ADAMTS12: variants seen among roughly 807,000 people sequenced by gnomAD.
ADAMTS12 encodes the protein A disintegrin and metalloproteinase with thrombospondin motifs 12.
In ADAMTS12, 118 loss-of-function variants were observed where a neutral mutation model predicts 167.8. That is an observed-to-expected ratio of 0.70 (90% CI 0.61 to 0.82). The LOEUF (loss-of-function observed/expected upper bound fraction) is 0.82, where lower values mean the gene tolerates loss of function less well. Among genes scored for constraint, ADAMTS12 ranks in the 40% least tolerant of loss-of-function variants. The probability of loss-of-function intolerance (pLI) is 0.00; values close to 1 mark genes in which losing one functional copy is unlikely to be tolerated. For missense variants in ADAMTS12, 1,916 were observed against 1,998.8 expected (o/e 0.96, Z 0.79); for synonymous variants, 704 against 716.9 (o/e 0.98, Z 0.29).
At chr5:33,550,790 GCCTGC>G (rs777346115) in intron 20 of ADAMTS12, among the ~76,000 whole-genome samples, 1 of 152,108 alleles carries the variant, frequency 6.6e-6, no homozygotes, top group Non-Finnish European at 1.5e-5. Context: ...TGAAAGCAGA[GCCTGC>G]CCTGCCCTGC....
intron 3 of ADAMTS12, among the ~76,000 whole-genome samples, chr5:33,731,319 G>C (rs1402453136): frequency 1.3e-5 from 2 of 151,848 alleles, no homozygotes; most frequent in African/African-American, 4.8e-5. Context: ...CCGAGTAGCT[G>C]GGATTACAGG....
intron 2 of ADAMTS12, among the ~76,000 whole-genome samples, chr5:33,781,886 C>T (rs1311321198): frequency 6.6e-6 from 1 of 151,720 alleles, no homozygotes; most frequent in Non-Finnish European, 1.5e-5. Context: ...GTTCCCCTTC[C>T]TGTGTCCATG....
intron 23 of ADAMTS12, among the ~76,000 whole-genome samples, chr5:33,529,377 T>C (rs958733989): frequency 5.9e-5 from 9 of 152,208 alleles, no homozygotes; most frequent in African/African-American, 1.9e-4. Flanking sequence ...CCAGGTCTGT[T>C]AAGAATTCAA....
At chr5:33,624,580 C>T (rs1348814390) in intron 13 of ADAMTS12, among the ~76,000 whole-genome samples, 1 of 152,202 alleles carries the variant, frequency 6.6e-6, no homozygotes. Flanking sequence ...AGTGAGGTCT[C>T]TAATTTCCCG....
At chr5:33,814,100 T>C (rs1579958551) in intron 2 of ADAMTS12, among the ~76,000 whole-genome samples, 1 of 152,232 alleles carries the variant, frequency 6.6e-6, no homozygotes, top group Admixed American at 6.5e-5. Context: ...ATGTCTTTAA[T>C]TAGAATGAAA....
intron 2 of ADAMTS12, among the ~76,000 whole-genome samples, chr5:33,791,585 AC>A (rs745859055): frequency 5.3e-5 from 8 of 152,258 alleles, no homozygotes; most frequent in Non-Finnish European, 8.8e-5. Flanking sequence ...CTATGCAGTG[AC>A]CTATATAATA....
intron 15 of ADAMTS12, 113 bp from the exon 16 acceptor site, chr5:33,614,489 T>C (rs1330830515): frequency 1.5e-6 from 2 of 1,305,754 alleles, no homozygotes; most frequent in Non-Finnish European, 2.1e-6. Context: ...GGAGCATGCA[T>C]TGGAATAAAG....
At chr5:33,847,358 C>G (rs1037265520) in intron 2 of ADAMTS12, among the ~76,000 whole-genome samples, 4 of 152,216 alleles carry the variant, frequency 2.6e-5, no homozygotes, top group African/African-American at 9.6e-5. Flanking sequence ...CACTGTGGCT[C>G]ACGCCTGTAA....
intron 18 of ADAMTS12, among the ~76,000 whole-genome samples, chr5:33,582,453 G>A (rs1246064161): frequency 6.6e-6 from 1 of 152,154 alleles, no homozygotes; most frequent in Non-Finnish European, 1.5e-5. Context: ...TCCCTCGGGT[G>A]GCAGGGACTT....
At chr5:33,742,330 T>TA (rs3037104) in intron 3 of ADAMTS12, among the ~76,000 whole-genome samples, 2,385 of 134,728 alleles carry the variant, frequency 0.018, 97 homozygotes, top group East Asian at 0.17. Flanking sequence ...TCCTTCCCCG[T>TA]AAAAAAAAAA....
At chr5:33,652,783 T>C (rs964630839) in intron 7 of ADAMTS12, among the ~76,000 whole-genome samples, 5 of 152,170 alleles carry the variant, frequency 3.3e-5, no homozygotes, top group Admixed American at 1.3e-4. Context: ...CTTGAGTTAG[T>C]TTCTGTATGT....
chr5:33,753,302 G>T (rs1265955191), intron 2 of ADAMTS12, among the ~76,000 whole-genome samples: 1 of 152,078 alleles, frequency 6.6e-6, no homozygotes, highest in Non-Finnish European at 1.5e-5. Context: ...ATTTTTTTCA[G>T]TATCTGTCTC....
At chr5:33,570,040 T>C (rs1242973296) in intron 19 of ADAMTS12, among the ~76,000 whole-genome samples, 1 of 151,980 alleles carries the variant, frequency 6.6e-6, no homozygotes, top group Admixed American at 6.6e-5. Context: ...AAGGGAAGTT[T>C]AGAGAAAAAA....
intron 2 of ADAMTS12, among the ~76,000 whole-genome samples, chr5:33,772,261 G>C (rs1288124868): frequency 2.6e-5 from 4 of 152,046 alleles, no homozygotes; most frequent in African/African-American, 9.7e-5. Flanking sequence ...CCAGACCAGA[G>C]ACAGCAAAAA....
chr5:33,759,921 G>A (rs1431541293), intron 2 of ADAMTS12, among the ~76,000 whole-genome samples: 1 of 152,144 alleles, frequency 6.6e-6, no homozygotes, highest in Non-Finnish European at 1.5e-5. Context: ...CCACCAAAGA[G>A]AATAAGGCGT....
In ADAMTS12 at chr5:33,788,558, A is replaced by C. The variant is rs141635384; in HGVS notation, c.490-37010T>G. On this transcript the variant is annotated intron_variant, in intron 2 of 23. Transcript: ENST00000504830. ...CTTCTTGATAGTTCCACAGAATCTC[A>C]TTTTCCCAGGAATTCAAGTGAGTTG... 1.8e-3 allele frequency among the ~76,000 whole-genome samples: 281 copies of C among 152,188 alleles called. 2 individuals carry two copies. Among genetic ancestry groups the C allele is most frequent in the African/African-American group, 6.4e-3 (266 of 41,500 alleles).
chr5:33,595,787 T>C (rs1275529050), intron 17 of ADAMTS12, 147 bp downstream of exon 17: 4 of 1,145,766 alleles, frequency 3.5e-6, no homozygotes, highest in Middle Eastern at 2.1e-4. Context: ...TCCAACAGCA[T>C]AGCCACAGAA....
chr5:33,548,787 T>C (rs1745107541), intron 21 of ADAMTS12, among the ~76,000 whole-genome samples: 1 of 152,060 alleles, frequency 6.6e-6, no homozygotes, highest in Non-Finnish European at 1.5e-5. Flanking sequence ...TATTATACTG[T>C]GTGGAAAAGA....
rs140069426 is a variant in ADAMTS12, at chr5:33,578,425, G to A, written c.2866-1265C>T. 2.4e-3 allele frequency among the ~76,000 whole-genome samples: 361 copies of A among 152,230 alleles called. 1 individual carries two copies. The highest frequency in any genetic ancestry group is 2.8e-3 in the Non-Finnish European group (192 of 68,018). On this transcript the variant is annotated intron_variant, in intron 18 of 23. Transcript: ENST00000504830. ...TTTTACCCCCATCCCCAAACCTAGT[G>A]CAACACACTGTACAAGTAGCTGTCC...
Sources: gnomAD v4.1 joint callset for allele counts (sites outside exome capture counted in the v4.1 genomes callset) on GRCh38, gnomAD v4.1.1 for gene constraint, MANE v1.5 for transcripts, NCBI Gene and HGNC (gene_info 2026-07-23, HGNC 2026-07-21) for gene names.